FAM120AOS: variants seen among roughly 807,000 people sequenced by gnomAD.
The protein encoded by FAM120AOS is uncharacterized protein FAM120AOS.
In FAM120AOS, 15 loss-of-function variants were observed where a neutral mutation model predicts 20.2. The ratio of observed to expected loss-of-function variants is 0.74; its 90% CI spans 0.50 to 1.15. The LOEUF (loss-of-function observed/expected upper bound fraction) is 1.15, where lower values mean the gene tolerates loss of function less well. FAM120AOS is among the 50% of genes most tolerant of loss of function. The pLI is 0.00. For synonymous variants in FAM120AOS, 154 were observed against 154.0 expected (o/e 1.00, Z 0.00); for missense variants, 327 against 351.9 (o/e 0.93, Z 0.57).
At chr9:93,448,139 A>C (rs529886712) in intron 2 of FAM120AOS, among the ~76,000 whole-genome samples, 2 of 152,330 alleles carry the variant, frequency 1.3e-5, no homozygotes, top group South Asian at 2.1e-4. Flanking sequence ...CCTTGTTTGA[A>C]AAACTGGAAA....
intron 1 of FAM120AOS, chr9:93,451,407 G>A (rs2131154052): frequency 2.2e-6 from 3 of 1,359,618 alleles, no homozygotes; most frequent in South Asian, 1.6e-5. Flanking sequence ...GGAACAGGGC[G>A]CAGGGGAGGG....
Position 93,446,712 on chromosome 9 carries a change from G to T in FAM120AOS, c.*899C>A, listed in dbSNP as rs1306228629. 6.6e-6 allele frequency: 1 copy of T among 152,106 alleles called. No individual in the cohort carries two copies. Among genetic ancestry groups the T allele is most frequent in the Non-Finnish European group, 1.5e-5 (1 of 68,024 alleles). 9.4% of individuals were successfully genotyped at this position (152,106 alleles called of 1,614,324 possible). On this transcript the variant is annotated 3_prime_UTR_variant, in exon 3 of 3. Coordinates refer to ENST00000375412, the MANE Select transcript of FAM120AOS (RefSeq NM_198841.4). The stretch of plus-strand genomic sequence containing the variant: ...TTGAGAAGCCTCTTGGAGTTGCCTA[G>T]AGAGTCTATAGCACTCATCTGAAGG...
At position 93,452,176 on chromosome 9, in the gene FAM120AOS, C is replaced by T; in HGVS notation, c.534G>A (p.Pro178=). 3.1e-6 allele frequency: 5 copies of T among 1,611,962 alleles called. No individual in the cohort carries two copies. Among genetic ancestry groups the T allele is most frequent in the Middle Eastern group, 1.7e-4 (1 of 6,060 alleles). ...PLKKTKSSML[P]PKQALASAAR... The stretch of plus-strand genomic sequence containing the variant: ...CGGCGCTGGCCAAGGCCTGCTTCGG[C>T]GGCAACATCGAGCTCTTCGTCTTCT... The change falls in exon 1 of 3, where the codon CCG becomes CCA. Residue 178 remains proline, a synonymous_variant. Coordinates refer to ENST00000375412, the MANE Select transcript of FAM120AOS (RefSeq NM_198841.4). This position sits in a 1 kb window ranked among gnomAD's most constrained non-coding sequence, Gnocchi z 7.0.
At chr9:93,448,465 C>A in intron 2 of FAM120AOS, 1 of 221,690 alleles carries the variant, frequency 4.5e-6, no homozygotes, top group Non-Finnish European at 9.5e-6. Flanking sequence ...TGTACTCCAG[C>A]CTGGGCAACA....
At position 93,452,122 on chromosome 9, in the gene FAM120AOS, C is replaced by T. The variant is rs1308317462; in HGVS notation, c.563+25G>A. 6.2e-7 allele frequency: 1 copy of T among 1,610,836 alleles called. No individual in the cohort carries two copies. The highest frequency in any genetic ancestry group is 8.5e-7 in the Non-Finnish European group (1 of 1,179,590). On this transcript the variant is annotated intron_variant, in intron 1 of 2. Transcript: ENST00000375412. The surrounding 1 kb of genome is among the most constrained non-coding windows in gnomAD (Gnocchi z 7.0). ...TCTACACCGACTGGGTCAGCGGCGGCCAGTGGAACCACATGCTTGGCTACC... is the reference window on the plus strand; with the variant it reads ...TCTACACCGACTGGGTCAGCGGCGGTCAGTGGAACCACATGCTTGGCTACC...
Position 93,450,188 on chromosome 9 carries a change from C to T in FAM120AOS, c.684+291G>A, listed in dbSNP as rs534522995. Among the ~76,000 whole-genome samples, 14 of 151,988 alleles carry T rather than the reference C, an allele frequency of 9.2e-5. No homozygotes were observed. The South Asian group carries it at 2.9e-3, about 32-fold the overall frequency. On this transcript the variant is annotated intron_variant, in intron 2 of 2. Transcript: ENST00000375412. ...ATTTTTAGTAGAGACGGGGTTTCACCATGTTGGCCAGGCTGGTCTCGAACT... is the reference window on the plus strand; with the variant it reads ...ATTTTTAGTAGAGACGGGGTTTCACTATGTTGGCCAGGCTGGTCTCGAACT...
rs781771560 is a variant in FAM120AOS, at chr9:93,446,654, T to C, written c.*957A>G. On this transcript the variant is annotated 3_prime_UTR_variant, in exon 3 of 3. Coordinates refer to ENST00000375412, the MANE Select transcript of FAM120AOS (RefSeq NM_198841.4). ...AAGCAGTCCCTGTCAGTTTGTCCAT[T>C]GATTCCATAGCAGCTCTCACTGCCC... The C allele has an allele frequency of 6.6e-6, 1 of 152,226 alleles. No homozygotes were observed. Among genetic ancestry groups the C allele is most frequent in the African/African-American group, 2.4e-5 (1 of 41,432 alleles). The allele number at this position is 152,226 out of a possible 1,614,324, so 9.4% of individuals were successfully genotyped here.
chr9:93,446,272 T>C lies in FAM120AOS; in HGVS notation c.*1339A>G, dbSNP rs965928984. Among the ~76,000 whole-genome samples the C allele has an allele frequency of 3.9e-5, 6 of 152,170 alleles. No individual in the cohort carries two copies. The highest frequency in any genetic ancestry group is 1.4e-4 in the African/African-American group (6 of 41,430). On this transcript the variant is annotated 3_prime_UTR_variant, in exon 3 of 3. Transcript: ENST00000375412. ...TGTGTGCTCCCACCTATATCTGAGG[T>C]CCTAGACTCCTCAGAGGAAGTCAGC... is the stretch of plus-strand genomic sequence containing the variant.
chr9:93,448,432 G>A (rs765183631), intron 2 of FAM120AOS: 15 of 215,704 alleles, frequency 7.0e-5, no homozygotes, highest in South Asian at 6.9e-4. Flanking sequence ...GAGGGAGGTT[G>A]CAGTGAGCTG....
rs147446055 is a variant in FAM120AOS, at chr9:93,453,536, C to G, written c.-827G>C. On this transcript the variant is annotated 5_prime_UTR_variant, in exon 1 of 3. Coordinates refer to ENST00000375412, the MANE Select transcript of FAM120AOS (RefSeq NM_198841.4). The stretch of plus-strand genomic sequence containing the variant: ...CTGAAAGTTTGTGAAATTCTGTCTT[C>G]GCGGTTGCCCCCACTGCCCGCGAGG... 1.6e-5 allele frequency: 16 copies of G among 985,428 alleles called. No homozygotes were observed. The East Asian group carries it at 1.8e-3, about 112-fold the overall frequency. 61.0% of individuals were successfully genotyped at this position (985,428 alleles called of 1,614,324 possible).
chr9:93,452,348 G>C lies in FAM120AOS; in HGVS notation c.362C>G (p.Ala121Gly), dbSNP rs868811104. ...CTGGTTCCTGCCGCCCGTCTGCATG[G>C]CCCACTGCATCCGCCTGGCGCTCAT... is the stretch of plus-strand genomic sequence containing the variant. Reference protein sequence around the residue: ...KRMSARRMQWAMQTGGRNQTF... With the variant: ...KRMSARRMQWGMQTGGRNQTF... The change falls in exon 1 of 3, where the codon GCC (alanine) becomes GGC (glycine). Residue 121 changes from alanine (A) to glycine (G), a missense_variant. Physicochemically the swap from Ala to Gly is moderately conservative, Grantham distance 60 (BLOSUM62 0). Around this residue, in one of 3 missense-constraint regions of FAM120AOS, gnomAD observed 86 missense variants for 140.2 expected, o/e 0.61. Transcript: ENST00000375412. This position sits in a 1 kb window ranked among gnomAD's most constrained non-coding sequence, Gnocchi z 7.0. 1 of 1,612,630 alleles carries C rather than the reference G, an allele frequency of 6.2e-7. No homozygotes were observed. Among genetic ancestry groups the C allele is most frequent in the South Asian group, 1.1e-5 (1 of 90,968 alleles).
chr9:93,450,754 A>C, intron 1 of FAM120AOS, 155 bp from the exon 2 acceptor site: 2 of 1,228,338 alleles, frequency 1.6e-6, no homozygotes, highest in Non-Finnish European at 2.3e-6. Context: ...TATCAACCTC[A>C]TTTTAGAAGC....
intron 1 of FAM120AOS, chr9:93,451,774 G>T: frequency 1.0e-6 from 1 of 981,150 alleles, no homozygotes; most frequent in Non-Finnish European, 1.2e-6. Flanking sequence ...GGCCGCGGCG[G>T]CCATGAGCGC....
Position 93,450,949 on chromosome 9 carries a change from G to A in FAM120AOS, c.564-350C>T, listed in dbSNP as rs1857131466. 3 of 1,354,814 alleles carry A rather than the reference G, an allele frequency of 2.2e-6. No individual in the cohort carries two copies. In the East Asian group the frequency reaches 7.5e-5, roughly 34 times the overall value. The allele number at this position is 1,354,814 out of a possible 1,614,324, so 83.9% of individuals were successfully genotyped here. On this transcript the variant is annotated intron_variant, in intron 1 of 2. Transcript: ENST00000375412. ...CTTTCCCACGCTGCAACAGACCTGT[G>A]CTCTCAAGACAGTCTCTTCCGTGAC...
Position 93,451,518 on chromosome 9 carries a change from C to A in FAM120AOS, c.563+629G>T. ...TCCCGGATCCCGTCCCGGCCCAACT[C>A]CGGGCCTCCGCCTCCGCCGCCGCCT... is the stretch of plus-strand genomic sequence containing the variant. On this transcript the variant is annotated intron_variant, in intron 1 of 2. Transcript: ENST00000375412. 4 of 998,864 alleles carry A rather than the reference C, an allele frequency of 4.0e-6. No individual in the cohort carries two copies. The South Asian group carries it at 1.8e-4, about 46-fold the overall frequency. The allele number at this position is 998,864 out of a possible 1,614,324, so 61.9% of individuals were successfully genotyped here. A position where few individuals can be genotyped will look rare whatever the true frequency, so the allele number is the denominator to read the frequency against.
In FAM120AOS at chr9:93,452,950, C is replaced by T; in HGVS notation, c.-241G>A. On this transcript the variant is annotated 5_prime_UTR_variant, in exon 1 of 3. Transcript: ENST00000375412. The surrounding 1 kb of genome is among the most constrained non-coding windows in gnomAD (Gnocchi z 7.0). ...TGTCTAAGGGCCAGTGCCCTGGCCT[C>T]TACTTCAGAACGCAGTGCCCTGTCC... is the stretch of plus-strand genomic sequence containing the variant. The T allele has an allele frequency of 2.2e-6, 3 of 1,390,346 alleles. No individual in the cohort carries two copies. The South Asian group carries it at 4.8e-5, about 22-fold the overall frequency. The allele number at this position is 1,390,346 out of a possible 1,614,324, so 86.1% of individuals were successfully genotyped here. A position where few individuals can be genotyped will look rare whatever the true frequency, so the allele number is the denominator to read the frequency against.
Position 93,453,529 on chromosome 9 carries a change from CTGTCT to C in FAM120AOS, c.-825_-821del. On this transcript the variant is annotated 5_prime_UTR_variant, in exon 1 of 3. Coordinates refer to ENST00000375412, the MANE Select transcript of FAM120AOS (RefSeq NM_198841.4). ...GCTGGAGCTGAAAGTTTGTGAAATT[CTGTCT>C]TCGCGGTTGCCCCCACTGCCCGCGA... 1.0e-6 allele frequency: 1 copy of C among 985,442 alleles called. No individual in the cohort carries two copies. Among genetic ancestry groups the C allele is most frequent in the Non-Finnish European group, 1.2e-6 (1 of 829,936 alleles). The allele number at this position is 985,442 out of a possible 1,614,324, so 61.0% of individuals were successfully genotyped here.
intron 1 of FAM120AOS, chr9:93,451,255 A>C (rs1242368528): frequency 8.7e-6 from 13 of 1,501,090 alleles, no homozygotes; most frequent in African/African-American, 1.4e-5. Context: ...GAACAGAGTG[A>C]CTCGGCCTCG....
chr9:93,450,440 G>A (rs1857082376), intron 2 of FAM120AOS, 39 bp downstream of exon 2: 1 of 1,534,414 alleles, frequency 6.5e-7, no homozygotes, highest in Non-Finnish European at 8.7e-7. Flanking sequence ...TTGCATTTGA[G>A]GTGGGTATCA....
Sources: allele counts gnomAD v4.1 joint callset (sites outside exome capture counted in the v4.1 genomes callset), GRCh38; gene constraint gnomAD v4.1.1; regional missense constraint gnomAD v4.1.1; non-coding constraint Gnocchi (gnomAD v3.1); transcripts MANE v1.5; gene names NCBI Gene and HGNC (gene_info 2026-07-23, HGNC 2026-07-21).